ACAA2: variants seen among roughly 807,000 people sequenced by gnomAD.
ACAA2 encodes 3-ketoacyl-CoA thiolase, mitochondrial.
In ACAA2, 35 loss-of-function variants were observed where a neutral mutation model predicts 44.8. That is an observed-to-expected ratio of 0.78 (90% CI 0.60 to 1.04). The LOEUF (loss-of-function observed/expected upper bound fraction) is 1.04. Ranked by LOEUF, ACAA2 falls within the 50% of genes least tolerant of loss-of-function variation. The pLI, the probability that ACAA2 is intolerant of heterozygous loss-of-function variation, is 0.00. For synonymous variants in ACAA2, 142 were observed against 166.5 expected (o/e 0.85, Z 1.13); for missense variants, 468 against 482.6 (o/e 0.97, Z 0.28).
chr18:49,787,272 A>AAAAAAC lies in ACAA2; in HGVS notation c.954+18_954+19insGTTTTT. On this transcript the variant is annotated intron_variant, in intron 8 of 9. Transcript: ENST00000285093. Reference sequence around the variant, plus strand: ...TTATTCATGTTGTTAAAAAAAAAAAAAAAAAAAAAAACACTTACCTCTACC... The same window carrying AAAAAAC: ...TTATTCATGTTGTTAAAAAAAAAAAAAAAAACAAAAAAAAAAACACTTACCTCTACC... 7.4e-7 allele frequency: 1 copy of AAAAAAC among 1,356,768 alleles called. No individual in the cohort carries two copies. Among genetic ancestry groups the AAAAAAC allele is most frequent in the Non-Finnish European group, 9.7e-7 (1 of 1,027,492 alleles). The allele number at this position is 1,356,768 out of a possible 1,614,324, so 84.0% of individuals were successfully genotyped here.
chr18:49,798,874 T>G (rs542203781), intron 2 of ACAA2, among the ~76,000 whole-genome samples: 12 of 152,154 alleles, frequency 7.9e-5, no homozygotes, highest in Admixed American at 1.3e-4. Flanking sequence ...TAAAAAAAAT[T>G]TACACGATCA....
At chr18:49,789,135 G>C (rs905162314) in intron 7 of ACAA2, among the ~76,000 whole-genome samples, 1 of 152,142 alleles carries the variant, frequency 6.6e-6, no homozygotes, top group Non-Finnish European at 1.5e-5. Flanking sequence ...TTCTATAGCT[G>C]TGTATTTCCT....
chr18:49,794,402 A>G lies in ACAA2; in HGVS notation c.455T>C (p.Leu152Ser). 6.3e-7 allele frequency: 1 copy of G among 1,597,480 alleles called. No homozygotes were observed. Among genetic ancestry groups the G allele is most frequent in the Non-Finnish European group, 8.5e-7 (1 of 1,174,068 alleles). ...IKLEDSLWVS[L>S]TDQHVQLPMA... is the part of the protein sequence containing the mutation. Reference sequence around the variant, plus strand: ...GGGGAGCTGGACATGCTGATCTGTTAATGATACCCATAAAGAATCTTCCAG... The same window carrying G: ...GGGGAGCTGGACATGCTGATCTGTTGATGATACCCATAAAGAATCTTCCAG... Residue 152 changes from leucine to serine, a missense_variant, in exon 5 of 10, where the codon TTA becomes TCA. Leu to Ser is a moderately radical substitution (Grantham distance 145). Coordinates refer to ENST00000285093, the MANE Select transcript of ACAA2 (RefSeq NM_006111.3).
chr18:49,806,056 C>T (rs996439522), intron 1 of ACAA2, among the ~76,000 whole-genome samples: 24 of 152,240 alleles, frequency 1.6e-4, no homozygotes, highest in African/African-American at 4.1e-4. Context: ...TACTACCTGA[C>T]GGTCTTGGAA....
At chr18:49,802,984 C>T (rs1250222841) in intron 1 of ACAA2, 131 bp from the exon 2 acceptor site, 1 of 1,056,940 alleles carries the variant, frequency 9.5e-7, no homozygotes, top group Non-Finnish European at 1.5e-6. Context: ...GGCAATAATA[C>T]CTAGAACAAG....
At chr18:49,810,306 A>T (rs1232908558) in intron 1 of ACAA2, among the ~76,000 whole-genome samples, 4 of 152,176 alleles carry the variant, frequency 2.6e-5, no homozygotes, top group Non-Finnish European at 5.9e-5. Context: ...TTTGAAATCC[A>T]AAGATAACAA....
rs138680315 is a variant in ACAA2, at chr18:49,783,618, G to A, written c.*229C>T. The A allele has an allele frequency of 8.6e-3, 3,928 of 454,566 alleles. 30 individuals are homozygous for A. The highest frequency in any genetic ancestry group is 0.012 in the Non-Finnish European group (3,020 of 246,134). The allele number at this position is 454,566 out of a possible 1,614,324, so 28.2% of individuals were successfully genotyped here. ...TAATGTCTTCTATAGTTGAGTTTTA[G>A]CTCAGAAATACATCATATTTCACTG... On this transcript the variant is annotated 3_prime_UTR_variant, in exon 10 of 10. Coordinates refer to ENST00000285093, the MANE Select transcript of ACAA2 (RefSeq NM_006111.3).
At chr18:49,799,853 G>A (rs1358259477) in intron 2 of ACAA2, among the ~76,000 whole-genome samples, 2 of 137,932 alleles carry the variant, frequency 1.4e-5, no homozygotes, top group Non-Finnish European at 3.1e-5. Flanking sequence ...TGTGGGGAGC[G>A]CCTCTGCCCG....
At position 49,783,514 on chromosome 18, in the gene ACAA2, G is replaced by C. The variant is rs7233791; in HGVS notation, c.*333C>G. 0.084 allele frequency: 15,918 copies of C among 188,528 alleles called. 861 individuals are homozygous for C. The highest frequency in any genetic ancestry group is 0.17 in the African/African-American group (7,140 of 43,026). 11.7% of individuals were successfully genotyped at this position (188,528 alleles called of 1,614,324 possible). A position where few individuals can be genotyped will look rare whatever the true frequency, so the allele number is the denominator to read the frequency against. ...CAGGAAAATATTAACTGAAGTTAAG[G>C]CAACATTTATTTGATTTCCTTATAA... is the stretch of plus-strand genomic sequence containing the variant. On this transcript the variant is annotated 3_prime_UTR_variant, in exon 10 of 10. Coordinates refer to ENST00000285093, the MANE Select transcript of ACAA2 (RefSeq NM_006111.3).
intron 1 of ACAA2, among the ~76,000 whole-genome samples, chr18:49,804,347 G>A (rs892197127): frequency 6.6e-6 from 1 of 152,158 alleles, no homozygotes; most frequent in South Asian, 2.1e-4. Flanking sequence ...CGGTTCTAGA[G>A]TCACAGGATG....
intron 2 of ACAA2, among the ~76,000 whole-genome samples, chr18:49,801,437 T>G (rs2023546513): frequency 6.6e-6 from 1 of 152,190 alleles, no homozygotes; most frequent in Admixed American, 6.5e-5. Flanking sequence ...AAAACGGAAG[T>G]ATCCAATTTC....
intron 2 of ACAA2, among the ~76,000 whole-genome samples, chr18:49,798,303 T>G (rs2023488443): frequency 6.6e-6 from 1 of 151,580 alleles, no homozygotes; most frequent in African/African-American, 2.4e-5. Context: ...GAGGTAGGAG[T>G]AGACCACCAC....
intron 3 of ACAA2, among the ~76,000 whole-genome samples, chr18:49,796,927 G>T (rs549933839): frequency 6.6e-6 from 1 of 151,862 alleles, no homozygotes; most frequent in East Asian, 1.9e-4. Context: ...GGAAGCACTC[G>T]AAAGAATGAT....
intron 1 of ACAA2, among the ~76,000 whole-genome samples, chr18:49,809,125 T>C (rs185471270): frequency 4.9e-4 from 74 of 152,310 alleles, no homozygotes; most frequent in Admixed American, 2.0e-3. Context: ...ATAGGCTCTC[T>C]GCAAGAAGAA....
Position 49,785,358 on chromosome 18 carries a change from A to G in ACAA2, c.955-7T>C, listed in dbSNP as rs201719502. ...GAGCAAAAGCTTCATTCACCTTAAA[A>G]CAAAAATTAGAGCACTAACAAAAAT... On this transcript the variant is annotated splice_region_variant and splice_polypyrimidine_tract_variant and intron_variant, in intron 8 of 9. Transcript: ENST00000285093. 56 of 1,613,026 alleles carry G rather than the reference A, an allele frequency of 3.5e-5. 1 individual carries two copies. In the East Asian group the frequency reaches 1.2e-3, roughly 35 times the overall value.
In ACAA2 at chr18:49,803,608, T is replaced by C. The variant is rs181768741; in HGVS notation, c.17-755A>G. Among the ~76,000 whole-genome samples the C allele has an allele frequency of 2.6e-3, 390 of 152,338 alleles. 1 individual carries two copies. The highest frequency in any genetic ancestry group is 6.8e-3 in the Middle Eastern group (2 of 294). On this transcript the variant is annotated intron_variant, in intron 1 of 9. Coordinates refer to ENST00000285093, the MANE Select transcript of ACAA2 (RefSeq NM_006111.3). ...CCTGCTACACTGTGATGTAAAGCCA[T>C]TCTGGTTAGACAACTTTCTTGTTCT...
chr18:49,786,945 A>G (rs2023337438), intron 8 of ACAA2, among the ~76,000 whole-genome samples: 1 of 152,178 alleles, frequency 6.6e-6, no homozygotes, highest in Admixed American at 6.5e-5. Context: ...TATTATGTCA[A>G]TTATTTTACA....
Position 49,785,332 on chromosome 18 carries a change from G to A in ACAA2, c.974C>T (p.Pro325Leu), listed in dbSNP as rs758356342. 2.5e-6 allele frequency: 4 copies of A among 1,613,160 alleles called. No homozygotes were observed. The Admixed American group carries it at 6.7e-5, about 27-fold the overall frequency. The change falls in exon 9 of 10, where the codon CCC becomes CTC. Residue 325 changes from proline (P) to leucine (L), a missense_variant. Coordinates refer to ENST00000285093, the MANE Select transcript of ACAA2 (RefSeq NM_006111.3). ...DLVEVNEAFA[P>L]QYLAVERSLD... The stretch of plus-strand genomic sequence containing the variant: ...ACTCCTCTCAACAGCCAAGTACTGG[G>A]GAGCAAAAGCTTCATTCACCTTAAA...
At chr18:49,786,751 T>C (rs2023334311) in intron 8 of ACAA2, 1 of 152,264 alleles carries the variant, frequency 6.6e-6, no homozygotes, top group South Asian at 2.1e-4. Flanking sequence ...ACTTTAGTTC[T>C]AATACTAACA....
Sources: gnomAD v4.1 joint callset for allele counts (sites outside exome capture counted in the v4.1 genomes callset) on GRCh38, gnomAD v4.1.1 for gene constraint, MANE v1.5 for transcripts, NCBI Gene and HGNC (gene_info 2026-07-23, HGNC 2026-07-21) for gene names.